FAT3: variants seen among roughly 807,000 people sequenced by gnomAD.
FAT3 encodes the protein protocadherin Fat 3.
Under a neutral mutation model 310.2 loss-of-function variants are expected in FAT3, and 95 were observed. The ratio of observed to expected loss-of-function variants is 0.31; its 90% CI spans 0.26 to 0.36. FAT3 has a LOEUF of 0.36. Ranked by LOEUF, FAT3 falls within the 10% of genes least tolerant of loss-of-function variation. The pLI is 1.00. For missense variants in FAT3, 5,408 were observed against 5,715.6 expected (o/e 0.95, Z 1.74); for synonymous variants, 2,314 against 2,192.9 (o/e 1.06, Z -1.54).
At chr11:92,636,134 T>A (rs923971056) in intron 3 of FAT3, among the ~76,000 whole-genome samples, 1 of 152,156 alleles carries the variant, frequency 6.6e-6, no homozygotes, top group East Asian at 1.9e-4. Context: ...TGGCTATTTT[T>A]GTATTTTTAG....
intron 3 of FAT3, among the ~76,000 whole-genome samples, chr11:92,596,623 C>T (rs1182501746): frequency 6.6e-6 from 1 of 152,194 alleles, no homozygotes; most frequent in East Asian, 1.9e-4. Context: ...AAGCAGATAG[C>T]AGGCTCATTG....
chr11:92,593,360 A>G (rs1289865543), intron 3 of FAT3, among the ~76,000 whole-genome samples: 1 of 151,752 alleles, frequency 6.6e-6, no homozygotes, highest in Admixed American at 6.6e-5. Flanking sequence ...TTATTGAGGA[A>G]TTACCATATT....
chr11:92,584,209 G>A (rs189665065), intron 3 of FAT3, among the ~76,000 whole-genome samples: 10 of 152,070 alleles, frequency 6.6e-5, no homozygotes, highest in East Asian at 1.9e-4. Flanking sequence ...GATCAGGTGC[G>A]CCGTTCATCC....
At chr11:92,682,760 G>A (rs1341589573) in intron 3 of FAT3, among the ~76,000 whole-genome samples, 2 of 152,158 alleles carry the variant, frequency 1.3e-5, no homozygotes, top group Non-Finnish European at 2.9e-5. Context: ...AGGAGGACAA[G>A]GGAATGGGGA....
At chr11:92,262,480 A>G (rs1438207778) in intron 1 of FAT3, among the ~76,000 whole-genome samples, 1 of 152,086 alleles carries the variant, frequency 6.6e-6, no homozygotes, top group Non-Finnish European at 1.5e-5. Context: ...CTGAGCCATT[A>G]TGAGATACCA....
intron 2 of FAT3, chr11:92,367,267 T>G (rs760739287): frequency 3.8e-5 from 10 of 262,896 alleles, no homozygotes; most frequent in Non-Finnish European, 6.9e-5. Flanking sequence ...TGTCTGGGCA[T>G]GTGGTGCCAA....
chr11:92,365,192 C>T (rs946451628), intron 2 of FAT3, among the ~76,000 whole-genome samples: 2 of 152,044 alleles, frequency 1.3e-5, no homozygotes, highest in Non-Finnish European at 2.9e-5. Flanking sequence ...ATCACTTGTG[C>T]CTAGGAGGTT....
chr11:92,320,880 A>AG (rs5793596), intron 1 of FAT3, among the ~76,000 whole-genome samples: 1,614 of 148,524 alleles, frequency 0.011, 40 homozygotes, highest in African/African-American at 0.032. Context: ...AAAAAAAAAA[A>AG]GGGGGGGGTA....
At chr11:92,704,341 G>A (rs935812109) in intron 4 of FAT3, among the ~76,000 whole-genome samples, 2 of 152,202 alleles carry the variant, frequency 1.3e-5, no homozygotes, top group African/African-American at 2.4e-5. Flanking sequence ...CCATCTGAGA[G>A]GATGCTGTGT....
intron 18 of FAT3, among the ~76,000 whole-genome samples, chr11:92,842,499 T>C: frequency 6.6e-6 from 1 of 152,254 alleles, no homozygotes; most frequent in East Asian, 1.9e-4. Context: ...TAAAGTTATA[T>C]CCTTCTCCAT....
At chr11:92,552,142 C>G (rs1277280522) in intron 3 of FAT3, among the ~76,000 whole-genome samples, 1 of 152,126 alleles carries the variant, frequency 6.6e-6, no homozygotes, top group Non-Finnish European at 1.5e-5. Flanking sequence ...GCCCATACCC[C>G]GTGGTTGCAG....
chr11:92,766,367 G>A (rs755461698), intron 6 of FAT3, among the ~76,000 whole-genome samples: 2 of 152,198 alleles, frequency 1.3e-5, no homozygotes, highest in Non-Finnish European at 2.9e-5. Context: ...GTCGGTCTGG[G>A]GGAATCATTT....
At chr11:92,583,222 A>G (rs1938915076) in intron 3 of FAT3, among the ~76,000 whole-genome samples, 1 of 152,028 alleles carries the variant, frequency 6.6e-6, no homozygotes, top group Non-Finnish European at 1.5e-5. Context: ...GGGGACTTGG[A>G]ATATTGTCTT....
At chr11:92,532,196 A>G (rs1055679426) in intron 3 of FAT3, among the ~76,000 whole-genome samples, 2 of 152,132 alleles carry the variant, frequency 1.3e-5, no homozygotes, top group African/African-American at 4.8e-5. Context: ...TAATAATAAA[A>G]TGAAATACCT....
intron 3 of FAT3, among the ~76,000 whole-genome samples, chr11:92,552,262 GAC>G (rs1954846751): frequency 6.6e-6 from 1 of 152,090 alleles, no homozygotes; most frequent in African/African-American, 2.4e-5. Context: ...CACTTAAAGA[GAC>G]ACATTCTTTC....
chr11:92,764,138 G>A (rs1221362838), intron 5 of FAT3, among the ~76,000 whole-genome samples: 1 of 152,004 alleles, frequency 6.6e-6, no homozygotes, highest in Admixed American at 6.6e-5. Flanking sequence ...AGCTGGGGAG[G>A]GAGACTTGCT....
intron 3 of FAT3, among the ~76,000 whole-genome samples, chr11:92,624,859 G>C (rs1352984902): frequency 6.6e-6 from 1 of 152,208 alleles, no homozygotes; most frequent in Admixed American, 6.5e-5. Context: ...TGAGGACTCT[G>C]AGAGACGATC....
chr11:92,820,594 G>A (rs1947941915), intron 13 of FAT3, among the ~76,000 whole-genome samples: 1 of 152,012 alleles, frequency 6.6e-6, no homozygotes, highest in Non-Finnish European at 1.5e-5. Flanking sequence ...AGGGGTCAAG[G>A]TCTATCAACA....
rs568458786 is a variant in FAT3, at chr11:92,524,439, G to A, written c.3293-195G>A. Reference sequence around the variant, plus strand: ...ATGTAATTATACTCTATAAACAGTAGAAGAACTATTTAATCTGGTCCTGCT... The same window carrying A: ...ATGTAATTATACTCTATAAACAGTAAAAGAACTATTTAATCTGGTCCTGCT... On this transcript the variant is annotated intron_variant, in intron 2 of 27. Transcript: ENST00000525166. Among the ~76,000 whole-genome samples the A allele has an allele frequency of 1.2e-4, 18 of 152,244 alleles. No homozygotes were observed. The South Asian group carries it at 1.4e-3, about 12-fold the overall frequency.
Sources: gnomAD v4.1 joint callset for allele counts (sites outside exome capture counted in the v4.1 genomes callset) on GRCh38, gnomAD v4.1.1 for gene constraint, MANE v1.5 for transcripts, NCBI Gene and HGNC (gene_info 2026-07-23, HGNC 2026-07-21) for gene names.